The following GRM7 variants were observed in gnomAD, a reference collection of about 807,000 sequenced individuals.
GRM7 encodes the protein glutamate metabotropic receptor 7, also known as metabotropic glutamate receptor 7.
Under a neutral mutation model 84.5 loss-of-function variants are expected in GRM7, and 35 were observed. That is an observed-to-expected ratio of 0.41 (90% CI 0.32 to 0.55). The LOEUF is 0.55. Ranked by LOEUF, GRM7 falls within the 20% of genes least tolerant of loss-of-function variation. The pLI is 0.19. For missense variants in GRM7, 1,003 were observed against 1,194.6 expected, an observed-to-expected ratio of 0.84 and a Z score of 2.36; for synonymous variants, 487 against 455.1, an observed-to-expected ratio of 1.07 and a Z score of -0.89.
chr3:7,059,342 A>T (rs1347398889), intron 1 of GRM7, among the ~76,000 whole-genome samples: 1 of 151,806 alleles, frequency 6.6e-6, no homozygotes, highest in Non-Finnish European at 1.5e-5. Context: ...ACTTGTTTAT[A>T]CACTGTCTCT....
chr3:7,130,346 A>G (rs1693550330), intron 1 of GRM7, among the ~76,000 whole-genome samples: 1 of 152,162 alleles, frequency 6.6e-6, no homozygotes, highest in Non-Finnish European at 1.5e-5. Context: ...GTTTGAGACC[A>G]GTCTGGCCAA....
At chr3:7,336,833 A>G (rs1173513864) in intron 4 of GRM7, among the ~76,000 whole-genome samples, 2 of 152,110 alleles carry the variant, frequency 1.3e-5, no homozygotes, top group South Asian at 2.1e-4. Flanking sequence ...AATATGCCTA[A>G]CCAAGGAGGC....
At chr3:7,079,925 T>A (rs1363629701) in intron 1 of GRM7, among the ~76,000 whole-genome samples, 5 of 152,148 alleles carry the variant, frequency 3.3e-5, no homozygotes, top group African/African-American at 1.2e-4. Flanking sequence ...CATTTGTTTT[T>A]CTAGCTGGAA....
intron 2 of GRM7, among the ~76,000 whole-genome samples, chr3:7,167,415 C>T (rs1329162771): frequency 1.3e-5 from 2 of 152,112 alleles, no homozygotes; most frequent in Non-Finnish European, 2.9e-5. Flanking sequence ...TGCAGAGGGC[C>T]ATTTTATAGT....
intron 4 of GRM7, among the ~76,000 whole-genome samples, chr3:7,344,089 TG>T (rs2125082931): frequency 6.6e-6 from 1 of 150,610 alleles, no homozygotes; most frequent in African/African-American, 2.5e-5. Flanking sequence ...CATCAAATCA[TG>T]TTTTTTTTTT....
At chr3:7,063,161 G>A (rs193036166) in intron 1 of GRM7, among the ~76,000 whole-genome samples, 4 of 151,692 alleles carry the variant, frequency 2.6e-5, no homozygotes, top group Admixed American at 2.6e-4. Flanking sequence ...TGATGCATGG[G>A]TATGGGTCTT....
intron 7 of GRM7, among the ~76,000 whole-genome samples, chr3:7,475,156 G>A (rs1274642894): frequency 6.6e-6 from 1 of 152,182 alleles, no homozygotes; most frequent in African/African-American, 2.4e-5. Context: ...GATGTAGTGG[G>A]TAAATACAAA....
chr3:7,404,407 G>C (rs1238992796), intron 4 of GRM7, among the ~76,000 whole-genome samples: 1 of 152,172 alleles, frequency 6.6e-6, no homozygotes, highest in Non-Finnish European at 1.5e-5. Context: ...AGTTAATTAG[G>C]CTGACAGCCT....
intron 8 of GRM7, among the ~76,000 whole-genome samples, chr3:7,630,788 C>A (rs1274427205): frequency 6.6e-6 from 1 of 152,122 alleles, no homozygotes; most frequent in African/African-American, 2.4e-5. Flanking sequence ...CAGTTGACCC[C>A]CAGGAAGTAG....
chr3:7,198,577 C>A (rs1695958433), intron 2 of GRM7, among the ~76,000 whole-genome samples: 1 of 152,136 alleles, frequency 6.6e-6, no homozygotes, highest in Non-Finnish European at 1.5e-5. Context: ...CTACTGGACA[C>A]CATACATTAG....
At chr3:7,130,886 A>G (rs1693572771) in intron 1 of GRM7, among the ~76,000 whole-genome samples, 1 of 151,874 alleles carries the variant, frequency 6.6e-6, no homozygotes, top group Non-Finnish European at 1.5e-5. Flanking sequence ...CTACCAGGCT[A>G]CTCCAGCCTG....
chr3:7,405,618 A>T (rs1457822001), intron 4 of GRM7, among the ~76,000 whole-genome samples: 1 of 152,156 alleles, frequency 6.6e-6, no homozygotes. Context: ...TGTGTTTAGA[A>T]ATAGGAATTA....
chr3:7,035,582 A>C (rs1043097552), intron 1 of GRM7, among the ~76,000 whole-genome samples: 1 of 152,204 alleles, frequency 6.6e-6, no homozygotes, highest in Non-Finnish European at 1.5e-5. Flanking sequence ...GAGATATCAG[A>C]CCATAATAAT....
chr3:7,029,078 C>T (rs1369239276), intron 1 of GRM7, among the ~76,000 whole-genome samples: 1 of 151,940 alleles, frequency 6.6e-6, no homozygotes, highest in Non-Finnish European at 1.5e-5. Flanking sequence ...CCAAGGAGGG[C>T]GGATCACCTG....
At chr3:7,121,421 A>G (rs1015056340) in intron 1 of GRM7, among the ~76,000 whole-genome samples, 2 of 152,022 alleles carry the variant, frequency 1.3e-5, no homozygotes, top group African/African-American at 4.8e-5. Flanking sequence ...ATGGTACTTT[A>G]CATGCCACAT....
At chr3:7,047,942 C>A (rs10510344) in intron 1 of GRM7, among the ~76,000 whole-genome samples, 1 of 151,758 alleles carries the variant, frequency 6.6e-6, no homozygotes, top group South Asian at 2.1e-4. Flanking sequence ...TATTATAATT[C>A]GGTTTAGCTG....
chr3:7,469,387 A>G (rs996053634), intron 7 of GRM7, among the ~76,000 whole-genome samples: 7 of 152,222 alleles, frequency 4.6e-5, no homozygotes, highest in African/African-American at 1.7e-4. Context: ...AGGGAAAGAA[A>G]TAGAAGAGTT....
intron 2 of GRM7, among the ~76,000 whole-genome samples, chr3:7,154,052 A>G: frequency 6.6e-6 from 1 of 152,212 alleles, no homozygotes; most frequent in East Asian, 1.9e-4. Context: ...ATAGCGTTTA[A>G]ATACTTGAAT....
chr3:7,722,808 G>C (rs1291614196), intron 9 of GRM7, among the ~76,000 whole-genome samples: 1 of 151,756 alleles, frequency 6.6e-6, no homozygotes, highest in Non-Finnish European at 1.5e-5. Context: ...TCCTGAATTA[G>C]AGACAGGGTC....
Sources: gnomAD v4.1 joint callset for allele counts (sites outside exome capture counted in the v4.1 genomes callset) on GRCh38, gnomAD v4.1.1 for gene constraint, MANE v1.5 for transcripts, NCBI Gene and HGNC (gene_info 2026-07-23, HGNC 2026-07-21) for gene names.